The following ZNF195 variants were observed in gnomAD, a reference collection of about 807,000 sequenced individuals.
The protein encoded by ZNF195 is hypoxia-regulated factor-1.
ZNF195 carries 11 observed loss-of-function variants against 19.5 expected under a neutral mutation model. The observed-to-expected ratio is 0.57, with a 90% CI of 0.36 to 0.94. The LOEUF is 0.94. Among genes scored for constraint, ZNF195 ranks in the 40% least tolerant of loss-of-function variants. The probability of loss-of-function intolerance (pLI) is 0.01; values close to 1 mark genes in which losing one functional copy is unlikely to be tolerated. For synonymous variants in ZNF195, 214 were observed against 248.1 expected (o/e 0.86, Z 1.29); for missense variants, 582 against 709.0 (o/e 0.82, Z 2.03).
rs77288756 is a variant in ZNF195, at chr11:3,362,894, T to G, written c.227-1005A>C. ...GAGACTGAAAGTGGCAAGATGGAAA[T>G]AGACATTTCATGCAAATGTTAATGA... On this transcript the variant is annotated intron_variant, in intron 3 of 5. Coordinates refer to ENST00000399602, the MANE Select transcript of ZNF195 (RefSeq NM_001130520.3). 1,014 of 194,852 alleles carry G rather than the reference T, an allele frequency of 5.2e-3. 15 individuals carry two copies. Among genetic ancestry groups the G allele is most frequent in the African/African-American group, 0.022 (959 of 43,536 alleles). The allele number at this position is 194,852 out of a possible 1,614,324, so 12.1% of individuals were successfully genotyped here. A position where few individuals can be genotyped will look rare whatever the true frequency, so the allele number is the denominator to read the frequency against.
rs1484318346 is a variant in ZNF195, at chr11:3,360,759, C to T, written c.403G>A (p.Val135Met). Residue 135 changes from valine to methionine, a missense_variant, in exon 5 of 6, where the codon GTG (valine) becomes ATG (methionine). Physicochemically the swap from Val to Met is conservative, Grantham distance 21. Coordinates refer to ENST00000399602, the MANE Select transcript of ZNF195 (RefSeq NM_001130520.3). The stretch of plus-strand genomic sequence containing the variant: ...CATCTGAACTCTAAAAACCATTTCA[C>T]AGTTTGCAGCACCCCAGGTGAGCAC... ...ALCSPGVLQT[V>M]KWFLEFRCIF... The T allele has an allele frequency of 9.7e-6, 15 of 1,551,364 alleles. No individual in the cohort carries two copies. The highest frequency in any genetic ancestry group is 3.3e-4 in the Middle Eastern group (2 of 6,014).
At chr11:3,368,201 A>T (rs1048890823) in intron 3 of ZNF195, among the ~76,000 whole-genome samples, 1 of 152,260 alleles carries the variant, frequency 6.6e-6, no homozygotes, top group African/African-American at 2.4e-5. Flanking sequence ...GGAACAAAAG[A>T]GAAAGTGAAA....
intron 1 of ZNF195, chr11:3,377,487 A>G: frequency 1.3e-6 from 1 of 756,956 alleles, no homozygotes; most frequent in Non-Finnish European, 1.7e-6. Flanking sequence ...CAAATCTGAG[A>G]GTCCAAAGGG....
intron 3 of ZNF195, among the ~76,000 whole-genome samples, chr11:3,366,263 CAAAAAAAAAA>C (rs35338297): frequency 3.4e-5 from 3 of 88,992 alleles, no homozygotes; most frequent in African/African-American, 1.3e-4. Context: ...GACTCCATCT[CAAAAAAAAAA>C]AAAAAAAAAG....
rs1284600558 is a variant in ZNF195, at chr11:3,371,676, T to C, written c.31A>G (p.Ile11Val). 1 of 1,611,978 alleles carries C rather than the reference T, an allele frequency of 6.2e-7. No homozygotes were observed. Among genetic ancestry groups the C allele is most frequent in the Non-Finnish European group, 8.5e-7 (1 of 1,178,622 alleles). Residue 11 changes from isoleucine to valine, a missense_variant, in exon 2 of 6, where the codon ATA (isoleucine) becomes GTA (valine). Physicochemically the swap from Ile to Val is conservative, Grantham distance 29 (BLOSUM62 3). This residue lies in a region of ZNF195 where 46 missense variants were observed against 66.5 expected (regional missense o/e 0.69). Transcript: ENST00000399602. ...TTCCACTCCTCCAGGGAGAATTCTA[T>C]GGCCACATCCCTGAACGTCAACAGA... MTLLTFRDVA[I>V]EFSLEEWKCL...
chr11:3,372,048 TA>T (rs1298620971), intron 1 of ZNF195, among the ~76,000 whole-genome samples: 1 of 152,188 alleles, frequency 6.6e-6, no homozygotes. Flanking sequence ...ATGTGTCCAA[TA>T]AACTAGTGTG....
intron 3 of ZNF195, among the ~76,000 whole-genome samples, chr11:3,365,908 A>G (rs1038091859): frequency 2.0e-5 from 3 of 152,200 alleles, no homozygotes; most frequent in African/African-American, 7.2e-5. Context: ...ACATGGAAAA[A>G]TGAAGTGGTA....
intron 3 of ZNF195, among the ~76,000 whole-genome samples, chr11:3,364,188 A>G (rs1294062363): frequency 3.3e-5 from 5 of 152,206 alleles, no homozygotes; most frequent in Non-Finnish European, 5.9e-5. Flanking sequence ...TTGGGTAGGC[A>G]TGGTGGCTGA....
chr11:3,365,964 A>T (rs1251873065), intron 3 of ZNF195, among the ~76,000 whole-genome samples: 1 of 152,184 alleles, frequency 6.6e-6, no homozygotes, highest in African/African-American at 2.4e-5. Context: ...TGAAAAACAT[A>T]AAAATAGAAT....
rs368117802 is a variant in ZNF195, at chr11:3,359,473, T to C, written c.1535A>G (p.His512Arg). 6.2e-7 allele frequency: 1 copy of C among 1,614,098 alleles called. No homozygotes were observed. The highest frequency in any genetic ancestry group is 1.3e-5 in the African/African-American group (1 of 74,944). The part of the protein sequence containing the change: ...IFKQLSDLTK[H>R]KKTHTGEKPY... ...CTTCTCTCCAGTATGGGTTTTCTTA[T>C]GCTTAGTGAGGTCTGATAACTGCTT... is the stretch of plus-strand genomic sequence containing the variant. Residue 512 changes from histidine (H) to arginine (R), a missense_variant, in exon 6 of 6, where the codon CAT becomes CGT. Physicochemically the swap from His to Arg is conservative, Grantham distance 29. Around this residue, in one of 3 missense-constraint regions of ZNF195, gnomAD observed 407 missense variants for 530.5 expected, o/e 0.77. Transcript: ENST00000399602. The surrounding 1 kb of genome is among the most constrained non-coding windows in gnomAD (Gnocchi z 5.5).
chr11:3,373,687 TTA>T, intron 1 of ZNF195: 1 of 1,506,484 alleles, frequency 6.6e-7, no homozygotes, highest in Non-Finnish European at 9.0e-7. Flanking sequence ...TTTAAAGGTG[TTA>T]GCACAACCCC....
Position 3,371,720 on chromosome 11 carries a change from A to T in ZNF195, c.4-17T>A. On this transcript the variant is annotated splice_polypyrimidine_tract_variant and intron_variant, in intron 1 of 5. Transcript: ENST00000399602. Reference sequence around the variant, plus strand: ...CAACAGAGTCTGAAGAAGAAACAACAACAATAACAAATACTTGATTCGAGG... The same window carrying T: ...CAACAGAGTCTGAAGAAGAAACAACTACAATAACAAATACTTGATTCGAGG... 6.3e-7 allele frequency: 1 copy of T among 1,582,136 alleles called. No individual in the cohort carries two copies. Among genetic ancestry groups the T allele is most frequent in the Non-Finnish European group, 8.6e-7 (1 of 1,163,620 alleles).
In ZNF195 at chr11:3,361,893, C is replaced by T. The variant is rs777973297; in HGVS notation, c.227-4G>A. Reference sequence around the variant, plus strand: ...GTAGCATGGTGAAATCCCATCTCTACAGAAAATACAAAAAAATTAGCTGTG... The same window carrying T: ...GTAGCATGGTGAAATCCCATCTCTATAGAAAATACAAAAAAATTAGCTGTG... On this transcript the variant is annotated splice_region_variant and splice_polypyrimidine_tract_variant and intron_variant, in intron 3 of 5. Transcript: ENST00000399602. 2 of 429,826 alleles carry T rather than the reference C, an allele frequency of 4.7e-6. No individual in the cohort carries two copies. Among genetic ancestry groups the T allele is most frequent in the African/African-American group, 2.1e-5 (1 of 48,180 alleles). 26.6% of individuals were successfully genotyped at this position (429,826 alleles called of 1,614,324 possible). A position where few individuals can be genotyped will look rare whatever the true frequency, so the allele number is the denominator to read the frequency against.
chr11:3,359,165 A>C lies in ZNF195; in HGVS notation c.1843T>G (p.Phe615Val). ...ACAGTCAGGTGTGAGAACTGGGTGAAGGCTTTGCCACACTTTTCACACTTG... is the reference window on the plus strand; with the variant it reads ...ACAGTCAGGTGTGAGAACTGGGTGACGGCTTTGCCACACTTTTCACACTTG... ...PYKCEKCGKA[F>V]TQFSHLTVHE... is the part of the protein sequence containing the mutation. Residue 615 changes from phenylalanine to valine, a missense_variant, in exon 6 of 6, where the codon TTC becomes GTC. This residue lies in a region of ZNF195 where 407 missense variants were observed against 530.5 expected (regional missense o/e 0.77). Transcript: ENST00000399602. This position sits in a 1 kb window ranked among gnomAD's most constrained non-coding sequence, Gnocchi z 5.5. 6.2e-7 allele frequency: 1 copy of C among 1,608,118 alleles called. No individual in the cohort carries two copies.
intron 3 of ZNF195, among the ~76,000 whole-genome samples, chr11:3,370,530 A>G (rs918093088): frequency 2.0e-5 from 3 of 152,260 alleles, no homozygotes; most frequent in African/African-American, 7.2e-5. Flanking sequence ...TAAAGCAGAA[A>G]GCATACAACA....
chr11:3,364,534 A>G (rs1013301446), intron 3 of ZNF195, among the ~76,000 whole-genome samples: 5 of 150,322 alleles, frequency 3.3e-5, no homozygotes, highest in Non-Finnish European at 5.9e-5. Context: ...TTGTTACATT[A>G]ACAGCACACT....
intron 3 of ZNF195, chr11:3,369,094 A>C (rs1849049287): frequency 3.5e-6 from 1 of 281,910 alleles, no homozygotes; most frequent in Admixed American, 4.4e-5. Flanking sequence ...TGTGACACCA[A>C]AGACAATTTA....
At chr11:3,372,891 T>G (rs1011054657) in intron 1 of ZNF195, among the ~76,000 whole-genome samples, 19 of 152,072 alleles carry the variant, frequency 1.2e-4, no homozygotes, top group Non-Finnish European at 7.4e-5. Context: ...GCCACCACGC[T>G]TGGATAATTT....
chr11:3,370,508 G>C (rs567641487), intron 3 of ZNF195, among the ~76,000 whole-genome samples: 12 of 152,302 alleles, frequency 7.9e-5, no homozygotes, highest in Middle Eastern at 6.8e-3. Flanking sequence ...ACCTCTGTAG[G>C]ATACGAAATC....
Sources: gnomAD v4.1 joint callset for allele counts (sites outside exome capture counted in the v4.1 genomes callset) on GRCh38, gnomAD v4.1.1 for gene constraint, gnomAD v4.1.1 regional missense constraint, Gnocchi (gnomAD v3.1) non-coding constraint, MANE v1.5 for transcripts, NCBI Gene and HGNC (gene_info 2026-07-23, HGNC 2026-07-21) for gene names.